The following CERK variants were observed in gnomAD, a reference collection of about 807,000 sequenced individuals.
CERK encodes ceramide kinase.
A neutral mutation model predicts 63.4 loss-of-function variants in CERK; 39 were observed. The ratio of observed to expected loss-of-function variants is 0.61; its 90% CI spans 0.48 to 0.80. CERK has a LOEUF of 0.80. Among genes scored for constraint, CERK ranks in the 30% least tolerant of loss-of-function variants. The pLI is 0.00. For synonymous variants in CERK, 302 were observed against 280.0 expected (o/e 1.08, Z -0.78); for missense variants, 670 against 714.1 (o/e 0.94, Z 0.70).
At chr22:46,734,063 C>CATATATATAT (rs1429583176) in intron 1 of CERK, among the ~76,000 whole-genome samples, 8 of 100,766 alleles carry the variant, frequency 7.9e-5, no homozygotes, top group Admixed American at 1.9e-4. Flanking sequence ...TATATACATA[C>CATATATATAT]ATACATATAT....
chr22:46,710,159 T>A (rs1601719291), intron 5 of CERK, among the ~76,000 whole-genome samples: 1 of 152,234 alleles, frequency 6.6e-6, no homozygotes, highest in Non-Finnish European at 1.5e-5. Context: ...CCGGGCGCGG[T>A]GGCTCATGCC....
At chr22:46,702,854 C>T (rs1178344628) in intron 6 of CERK, among the ~76,000 whole-genome samples, 1 of 152,208 alleles carries the variant, frequency 6.6e-6, no homozygotes, top group East Asian at 1.9e-4. Flanking sequence ...TCCACAATGA[C>T]CACCCATACC....
chr22:46,695,939 C>T lies in CERK; in HGVS notation c.944-624G>A, dbSNP rs369503437. Among the ~76,000 whole-genome samples the T allele has an allele frequency of 2.2e-4, 33 of 152,322 alleles. No homozygotes were observed. In the East Asian group the frequency reaches 5.4e-3, roughly 25 times the overall value. On this transcript the variant is annotated intron_variant, in intron 8 of 12. Coordinates refer to ENST00000216264, the MANE Select transcript of CERK (RefSeq NM_022766.6). ...AGGCAGGAGAGGGGCCCCAGGGTGT[C>T]GTGGGCCACACCAGGAGCCAGGCCG...
intron 11 of CERK, 101 bp from the exon 12 acceptor site, chr22:46,690,301 G>C: frequency 1.2e-6 from 1 of 848,074 alleles, no homozygotes; most frequent in Non-Finnish European, 1.8e-6. Context: ...GTCAGGCCTG[G>C]GTGCACACAC....
chr22:46,708,008 G>A lies in CERK; in HGVS notation c.570-20C>T, dbSNP rs200609865. 55 of 1,585,142 alleles carry A rather than the reference G, an allele frequency of 3.5e-5. No individual in the cohort carries two copies. The highest frequency in any genetic ancestry group is 8.0e-5 in the African/African-American group (6 of 74,580). ...ACGATGCTGCAGGAGGAACACAGCC[G>A]GTCAGGGCTCCTGCAGGTGCGGCCC... On this transcript the variant is annotated intron_variant, in intron 5 of 12. Coordinates refer to ENST00000216264, the MANE Select transcript of CERK (RefSeq NM_022766.6).
chr22:46,694,180 G>A (rs2082744906), intron 9 of CERK, among the ~76,000 whole-genome samples: 1 of 152,176 alleles, frequency 6.6e-6, no homozygotes, highest in African/African-American at 2.4e-5. Flanking sequence ...GAAAGGACGT[G>A]AGTGTCCTTC....
At chr22:46,721,262 C>T (rs1393151971) in intron 1 of CERK, among the ~76,000 whole-genome samples, 1 of 151,834 alleles carries the variant, frequency 6.6e-6, no homozygotes, top group Admixed American at 6.6e-5. Flanking sequence ...CAGCACAAGA[C>T]CCCATCTCCA....
At chr22:46,699,756 G>A (rs1327105018) in intron 7 of CERK, among the ~76,000 whole-genome samples, 2 of 152,182 alleles carry the variant, frequency 1.3e-5, no homozygotes, top group Non-Finnish European at 2.9e-5. Flanking sequence ...CTGAAAGGAC[G>A]GTGGTTTTAG....
rs776897176 is a variant in CERK at position 46,712,168 on chromosome 22, C to T, written c.505G>A (p.Val169Ile). The T allele has an allele frequency of 2.5e-6, 4 of 1,613,848 alleles. No individual in the cohort carries two copies. The highest frequency in any genetic ancestry group is 3.3e-5 in the Admixed American group (2 of 59,952). The change falls in exon 4 of 13, where the codon GTT becomes ATT. Residue 169 changes from valine to isoleucine, a missense_variant and splice_region_variant. By Grantham distance (29) the Val-to-Ile change is conservative (BLOSUM62 3). Coordinates refer to ENST00000216264, the MANE Select transcript of CERK (RefSeq NM_022766.6). Reference protein sequence around the residue: ...TLASITTDIIVTEHANQAKET... With the variant: ...TLASITTDIIITEHANQAKET... ...ACATAGTTAACATAGAATTTGTTAC[C>T]GATGATGTCAGTGGTGATGGAGGCT...
intron 12 of CERK, 116 bp downstream of exon 12, chr22:46,689,876 T>C: frequency 1.5e-6 from 1 of 659,564 alleles, no homozygotes; most frequent in Non-Finnish European, 2.5e-6. Context: ...AAAACATTCT[T>C]ACGTTTTGTG....
At chr22:46,689,317 C>T (rs1366877044) in intron 12 of CERK, among the ~76,000 whole-genome samples, 2 of 152,256 alleles carry the variant, frequency 1.3e-5, no homozygotes, top group Non-Finnish European at 2.9e-5. Flanking sequence ...GCCAGCGGTT[C>T]CCTGGTGGAT....
At chr22:46,713,848 T>C (rs1020306295) in intron 3 of CERK, among the ~76,000 whole-genome samples, 1 of 152,012 alleles carries the variant, frequency 6.6e-6, no homozygotes, top group African/African-American at 2.4e-5. Context: ...ACTTAGGATT[T>C]TGGCCAGGCA....
Position 46,685,968 on chromosome 22 carries a change from C to G in CERK, c.*1166G>C, listed in dbSNP as rs1322047371. ...ATTTCAAACAAAACTACGTTACAGA[C>G]ATCATCTACGTGGGCACGGATACAC... is the stretch of plus-strand genomic sequence containing the variant. On this transcript the variant is annotated 3_prime_UTR_variant, in exon 13 of 13. Coordinates refer to ENST00000216264, the MANE Select transcript of CERK (RefSeq NM_022766.6). The G allele has an allele frequency of 6.6e-6, 1 of 152,160 alleles. No homozygotes were observed. The highest frequency in any genetic ancestry group is 1.5e-5 in the Non-Finnish European group (1 of 68,054). The allele number at this position is 152,160 out of a possible 1,614,324, so 9.4% of individuals were successfully genotyped here. A position where few individuals can be genotyped will look rare whatever the true frequency, so the allele number is the denominator to read the frequency against.
intron 6 of CERK, among the ~76,000 whole-genome samples, chr22:46,702,592 G>A (rs190978430): frequency 1.3e-5 from 2 of 152,260 alleles, no homozygotes; most frequent in East Asian, 3.9e-4. Context: ...CCTGGCCCTC[G>A]TAAACTTCTG....
intron 1 of CERK, among the ~76,000 whole-genome samples, chr22:46,733,379 C>T (rs974479262): frequency 7.3e-5 from 11 of 151,226 alleles, no homozygotes; most frequent in South Asian, 4.2e-4. Context: ...CTGCAACCTC[C>T]GCCTCCCAGG....
In CERK at chr22:46,714,036, C is replaced by T. The variant is rs143851503; in HGVS notation, c.380-1743G>A. On this transcript the variant is annotated intron_variant, in intron 3 of 12. Coordinates refer to ENST00000216264, the MANE Select transcript of CERK (RefSeq NM_022766.6). The surrounding 1 kb of genome is among the most constrained non-coding windows in gnomAD (Gnocchi z 4.4). ...TGTTAATCCCAACACTTTGGGAGGC[C>T]GAGGTGGGCAGATCACTTGAGGTCA... Among the ~76,000 whole-genome samples, 5,876 of 152,256 alleles carry T rather than the reference C, an allele frequency of 0.039. 363 individuals are homozygous for T. Among genetic ancestry groups the T allele is most frequent in the African/African-American group, 0.13 (5,422 of 41,530 alleles).
intron 11 of CERK, 52 bp from the exon 12 acceptor site, chr22:46,690,252 G>T: frequency 6.5e-7 from 1 of 1,529,418 alleles, no homozygotes. Flanking sequence ...CATCGTCTGG[G>T]TGGGGCAGCA....
At chr22:46,717,878 C>T (rs1601723919) in intron 3 of CERK, among the ~76,000 whole-genome samples, 1 of 151,728 alleles carries the variant, frequency 6.6e-6, no homozygotes, top group Non-Finnish European at 1.5e-5. Flanking sequence ...GTCAGGAGTT[C>T]GAGACCAGTC....
Position 46,693,390 on chromosome 22 carries a change from C to T in CERK, c.1126+37G>A, listed in dbSNP as rs774250025. On this transcript the variant is annotated intron_variant, in intron 10 of 12. Transcript: ENST00000216264. ...GGACAGAAACCCGCACTCCAGCACACACAGTGACAACACTGAGCCTGTGTT... is the reference window on the plus strand; with the variant it reads ...GGACAGAAACCCGCACTCCAGCACATACAGTGACAACACTGAGCCTGTGTT... The T allele has an allele frequency of 3.0e-5, 48 of 1,579,164 alleles. No individual in the cohort carries two copies. The East Asian group carries it at 1.0e-3, about 33-fold the overall frequency.
Sources: gnomAD v4.1 joint callset for allele counts (sites outside exome capture counted in the v4.1 genomes callset) on GRCh38, gnomAD v4.1.1 for gene constraint, Gnocchi (gnomAD v3.1) non-coding constraint, MANE v1.5 for transcripts, NCBI Gene and HGNC (gene_info 2026-07-23, HGNC 2026-07-21) for gene names.